The following RNLS variants were observed in gnomAD, a reference collection of about 807,000 sequenced individuals.
RNLS encodes the protein renalase.
In RNLS, 39 loss-of-function variants were observed where a neutral mutation model predicts 39.8. That is an observed-to-expected ratio of 0.98 (90% confidence interval 0.76 to 1.28). The LOEUF (loss-of-function observed/expected upper bound fraction) is 1.28, where lower values mean the gene tolerates loss of function less well. RNLS is among the 50% of genes most tolerant of loss of function. The pLI is 0.00. For synonymous variants in RNLS, 147 were observed against 150.7 expected (o/e 0.98, Z 0.18); for missense variants, 410 against 413.3 (o/e 0.99, Z 0.07).
At chr10:88,298,734 T>C (rs1445531570) in intron 6 of RNLS, among the ~76,000 whole-genome samples, 1 of 152,214 alleles carries the variant, frequency 6.6e-6, no homozygotes, top group African/African-American at 2.4e-5. Context: ...TACTGTAGTT[T>C]TGCAGTAAGA....
chr10:88,458,630 G>A (rs573564394), intron 4 of RNLS, among the ~76,000 whole-genome samples: 1 of 152,266 alleles, frequency 6.6e-6, no homozygotes, highest in African/African-American at 2.4e-5. Flanking sequence ...ATTGAGTTCA[G>A]TATGCTATCA....
chr10:88,382,652 T>C (rs962402454), intron 4 of RNLS, among the ~76,000 whole-genome samples: 6 of 152,120 alleles, frequency 3.9e-5, no homozygotes, highest in African/African-American at 1.4e-4. Flanking sequence ...GCTTGAATAG[T>C]TGAGAATACT....
chr10:88,266,996 G>A, the RNLS span, among the ~76,000 whole-genome samples: 1 of 152,114 alleles, frequency 6.6e-6, no homozygotes, highest in South Asian at 2.1e-4. Context: ...GGTCTTCATA[G>A]CCAGTCCTCC....
At chr10:88,409,087 T>C (rs1369919840) in intron 4 of RNLS, among the ~76,000 whole-genome samples, 1 of 152,116 alleles carries the variant, frequency 6.6e-6, no homozygotes, top group Non-Finnish European at 1.5e-5. Flanking sequence ...TTCACACAGA[T>C]GATGTAGATG....
At chr10:88,380,405 T>G (rs570379823) in intron 4 of RNLS, among the ~76,000 whole-genome samples, 1 of 137,994 alleles carries the variant, frequency 7.2e-6, no homozygotes, top group Non-Finnish European at 1.5e-5. Flanking sequence ...CGACGGAGTC[T>G]CTCTCTGTCA....
At chr10:88,396,524 C>A (rs1589723943) in intron 4 of RNLS, among the ~76,000 whole-genome samples, 1 of 151,072 alleles carries the variant, frequency 6.6e-6, no homozygotes, top group East Asian at 1.9e-4. Context: ...AAATGATACA[C>A]TAGAAGAATT....
In RNLS at chr10:88,583,217, G is replaced by A. The variant is rs769372937; in HGVS notation, c.-27C>T. On this transcript the variant is annotated 5_prime_UTR_variant, in exon 1 of 7. Transcript: ENST00000331772. ...GCGAGAGGGAGCAGCGATCCGCGCTGAGTCTCTGCGGCGGGGCCGTTCGGC... is the reference window on the plus strand; with the variant it reads ...GCGAGAGGGAGCAGCGATCCGCGCTAAGTCTCTGCGGCGGGGCCGTTCGGC... The A allele has an allele frequency of 6.2e-6, 10 of 1,612,306 alleles. No homozygotes were observed. The highest frequency in any genetic ancestry group is 1.7e-6 in the Non-Finnish European group (2 of 1,179,494).
intron 4 of RNLS, among the ~76,000 whole-genome samples, chr10:88,443,904 A>G (rs1226268659): frequency 6.6e-6 from 1 of 152,268 alleles, no homozygotes; most frequent in Non-Finnish European, 1.5e-5. Context: ...GGCAGGGCAT[A>G]GCCGAACAAA....
chr10:88,468,777 T>C (rs1479584588), intron 4 of RNLS, among the ~76,000 whole-genome samples: 1 of 152,172 alleles, frequency 6.6e-6, no homozygotes, highest in African/African-American at 2.4e-5. Context: ...TAGGAAGCCA[T>C]GTTCCCGTAC....
At chr10:88,434,687 A>G (rs1221347480) in intron 4 of RNLS, among the ~76,000 whole-genome samples, 1 of 152,148 alleles carries the variant, frequency 6.6e-6, no homozygotes, top group Non-Finnish European at 1.5e-5. Context: ...TAAAAATCAG[A>G]ATACATATTA....
At chr10:88,475,594 C>T (rs17343157) in intron 4 of RNLS, among the ~76,000 whole-genome samples, 2 of 151,952 alleles carry the variant, frequency 1.3e-5, no homozygotes, top group Non-Finnish European at 2.9e-5. Context: ...CTAATCTCAC[C>T]TTCCTATGTC....
intron 6 of RNLS, among the ~76,000 whole-genome samples, chr10:88,311,956 A>G (rs747977482): frequency 3.3e-5 from 5 of 152,160 alleles, no homozygotes; most frequent in Non-Finnish European, 7.3e-5. Context: ...TGAGCCTTAC[A>G]TGGCTGATGC....
chr10:88,313,392 AAT>A (rs1381720897), intron 6 of RNLS, among the ~76,000 whole-genome samples: 1 of 152,210 alleles, frequency 6.6e-6, no homozygotes, highest in Non-Finnish European at 1.5e-5. Flanking sequence ...AATTGAGTTC[AAT>A]ATCACTTAAA....
intron 4 of RNLS, among the ~76,000 whole-genome samples, chr10:88,385,683 T>C (rs1360944921): frequency 1.3e-5 from 2 of 152,076 alleles, no homozygotes; most frequent in African/African-American, 2.4e-5. Flanking sequence ...GGTGCAGAGG[T>C]TGCTGGGAAA....
intron 4 of RNLS, among the ~76,000 whole-genome samples, chr10:88,431,814 G>A (rs1280399648): frequency 6.6e-6 from 1 of 151,644 alleles, no homozygotes. Context: ...TAATTCTACT[G>A]TATTTAGAGA....
At chr10:88,310,620 G>A (rs1438204211) in intron 6 of RNLS, among the ~76,000 whole-genome samples, 7 of 151,436 alleles carry the variant, frequency 4.6e-5, no homozygotes, top group African/African-American at 9.7e-5. Context: ...GCAAGACCCC[G>A]TGACTACAAA....
the RNLS span, among the ~76,000 whole-genome samples, chr10:88,262,781 C>G: frequency 6.6e-6 from 1 of 152,162 alleles, no homozygotes; most frequent in African/African-American, 2.4e-5. Flanking sequence ...CATTTCTGTT[C>G]TTGCACTATT....
At chr10:88,206,941 A>G in the RNLS span, among the ~76,000 whole-genome samples, 59 of 152,290 alleles carry the variant, frequency 3.9e-4, no homozygotes, top group African/African-American at 1.4e-3. Flanking sequence ...TTAGGGATAC[A>G]TGGGACAATT....
chr10:88,184,929 T>C, the RNLS span, among the ~76,000 whole-genome samples: 1 of 152,282 alleles, frequency 6.6e-6, no homozygotes, highest in East Asian at 1.9e-4. Flanking sequence ...AGCATCAGAA[T>C]GTTTTCAGCA....
Sources: gnomAD v4.1 joint callset for allele counts (sites outside exome capture counted in the v4.1 genomes callset) on GRCh38, gnomAD v4.1.1 for gene constraint, MANE v1.5 for transcripts, NCBI Gene and HGNC (gene_info 2026-07-23, HGNC 2026-07-21) for gene names.